CCDC138: variants seen among roughly 807,000 people sequenced by gnomAD.
The protein encoded by CCDC138 is coiled-coil domain containing 138.
Under a neutral mutation model 82.3 loss-of-function variants are expected in CCDC138, and 66 were observed. The observed-to-expected ratio is 0.80, with a 90% CI of 0.66 to 0.98. The LOEUF (loss-of-function observed/expected upper bound fraction) is 0.98, where lower values mean the gene tolerates loss of function less well. Ranked by LOEUF, CCDC138 falls within the 50% of genes least tolerant of loss-of-function variation. CCDC138 has a pLI of 0.00. For missense variants in CCDC138, 816 were observed against 758.9 expected, an observed-to-expected ratio of 1.08 and a Z score of -0.88; for synonymous variants, 297 against 265.4, an observed-to-expected ratio of 1.12 and a Z score of -1.16.
chr2:108,816,096 G>GT lies in CCDC138; in HGVS notation c.1198dup (p.Cys400LeufsTer55), dbSNP rs1168414574. On this transcript the variant is annotated frameshift_variant, in exon 10 of 15. Coordinates refer to ENST00000295124, the MANE Select transcript of CCDC138 (RefSeq NM_144978.3). LOFTEE classifies it high-confidence loss of function. ...CCCAGAGAAATGATATTCAGGAGAA[G>GT]TGTGTAAAGGTTTGTTTTTTAATTT... 3 of 1,600,024 alleles carry GT rather than the reference G, an allele frequency of 1.9e-6. No individual in the cohort carries two copies. The highest frequency in any genetic ancestry group is 2.6e-6 in the Non-Finnish European group (3 of 1,174,638).
In CCDC138 at chr2:108,789,029, A is replaced by G; in HGVS notation, c.266+63A>G. On this transcript the variant is annotated intron_variant, in intron 3 of 14. Coordinates refer to ENST00000295124, the MANE Select transcript of CCDC138 (RefSeq NM_144978.3). ...AGTATCTCAAAAAACTGAGAAAGAG[A>G]AAAGGGCAGGTTATATTTTTGCTCT... is the stretch of plus-strand genomic sequence containing the variant. 4 of 1,568,326 alleles carry G rather than the reference A, an allele frequency of 2.6e-6. No homozygotes were observed. In the East Asian group the frequency reaches 6.7e-5, roughly 26 times the overall value.
intron 10 of CCDC138, among the ~76,000 whole-genome samples, chr2:108,816,379 A>T (rs1684810878): frequency 1.3e-5 from 2 of 152,174 alleles, no homozygotes; most frequent in South Asian, 4.2e-4. Context: ...TGAATCTGGG[A>T]GGTGGAGGTT....
chr2:108,844,186 C>T (rs893747656), intron 11 of CCDC138, among the ~76,000 whole-genome samples: 4 of 151,996 alleles, frequency 2.6e-5, no homozygotes, highest in Non-Finnish European at 5.9e-5. Context: ...TCAGCCCTAC[C>T]TGATTTTTCC....
intron 6 of CCDC138, among the ~76,000 whole-genome samples, chr2:108,803,272 C>T (rs190575125): frequency 3.9e-5 from 6 of 152,270 alleles, no homozygotes; most frequent in Non-Finnish European, 2.9e-5. Flanking sequence ...TGTACAGGTT[C>T]GTAAACACCA....
intron 4 of CCDC138, among the ~76,000 whole-genome samples, chr2:108,792,807 G>T (rs1680117860): frequency 6.6e-6 from 1 of 152,212 alleles, no homozygotes; most frequent in African/African-American, 2.4e-5. Context: ...GCTCACGCCT[G>T]TAATCCCAGC....
chr2:108,795,669 C>T (rs1396062219), intron 5 of CCDC138, among the ~76,000 whole-genome samples: 1 of 152,048 alleles, frequency 6.6e-6, no homozygotes, highest in Non-Finnish European at 1.5e-5. Flanking sequence ...CTAAAATCAC[C>T]AGGAAAAGTT....
chr2:108,831,475 T>C (rs1687606937), intron 10 of CCDC138, among the ~76,000 whole-genome samples: 1 of 152,140 alleles, frequency 6.6e-6, no homozygotes, highest in Non-Finnish European at 1.5e-5. Flanking sequence ...AGGCTTGGTA[T>C]TTAGAGGGGA....
exon 3 of CCDC138, chr2:108,885,453 G>T (rs1696397053): frequency 6.6e-6 from 1 of 152,144 alleles, no homozygotes; most frequent in African/African-American, 2.4e-5. Flanking sequence ...TTAATGAAAA[G>T]TTATACAATA....
intron 13 of CCDC138, among the ~76,000 whole-genome samples, chr2:108,868,707 C>T (rs941187808): frequency 6.6e-6 from 1 of 152,078 alleles, no homozygotes; most frequent in African/African-American, 2.4e-5. Context: ...GCACTCATTC[C>T]CATACTGTCC....
chr2:108,808,407 G>A (rs983003458), intron 7 of CCDC138, among the ~76,000 whole-genome samples: 4 of 152,088 alleles, frequency 2.6e-5, no homozygotes, highest in African/African-American at 7.2e-5. Context: ...TATGGTAGTT[G>A]TGTTTTCGTT....
At chr2:108,853,929 A>AC (rs1692045481) in intron 12 of CCDC138, among the ~76,000 whole-genome samples, 1 of 125,084 alleles carries the variant, frequency 8.0e-6, no homozygotes, top group Non-Finnish European at 1.6e-5. Context: ...TATATTATAT[A>AC]TAATTTATAT....
chr2:108,853,682 A>G (rs1381220581), intron 12 of CCDC138, among the ~76,000 whole-genome samples: 1 of 149,800 alleles, frequency 6.7e-6, no homozygotes, highest in African/African-American at 2.5e-5. Flanking sequence ...ATGCACTACG[A>G]TGACCATCTA....
Position 108,786,871 on chromosome 2 carries a change from A to G in CCDC138, c.49A>G (p.Ser17Gly). 1 of 1,579,892 alleles carries G rather than the reference A, an allele frequency of 6.3e-7. No homozygotes were observed. The highest frequency in any genetic ancestry group is 2.4e-5 in the East Asian group (1 of 41,412). The change falls in exon 1 of 15, where the codon AGT (serine) becomes GGT (glycine). Residue 17 changes from serine (S) to glycine (G), a missense_variant. Physicochemically the swap from Ser to Gly is moderately conservative, Grantham distance 56. Coordinates refer to ENST00000295124, the MANE Select transcript of CCDC138 (RefSeq NM_144978.3). ...ACCGGGGCAGGATTTAGTAGTGGAG[A>G]GTCTCAAAAGCCGCTACGGACTCGG... ...KPPGQDLVVE[S>G]LKSRYGLGGS...
chr2:108,800,528 G>A (rs1681733376), intron 6 of CCDC138, among the ~76,000 whole-genome samples: 1 of 148,206 alleles, frequency 6.7e-6, no homozygotes, highest in Non-Finnish European at 1.5e-5. Flanking sequence ...CCCTCCCAAA[G>A]TGCTGGGATC....
intron 7 of CCDC138, among the ~76,000 whole-genome samples, chr2:108,806,417 T>C (rs1045623310): frequency 3.9e-5 from 6 of 152,230 alleles, no homozygotes; most frequent in African/African-American, 1.4e-4. Context: ...TTGGACCTAT[T>C]GATAATTGGA....
At position 108,804,925 on chromosome 2, in the gene CCDC138, C is replaced by T; in HGVS notation, c.772C>T (p.Leu258Phe). 2 of 1,565,086 alleles carry T rather than the reference C, an allele frequency of 1.3e-6. No homozygotes were observed. Among genetic ancestry groups the T allele is most frequent in the South Asian group, 2.4e-5 (2 of 81,822 alleles). ...AGAAGTTGAACACTTAACCGAAGTT[C>T]TTAAGGAAAAGAATAAAGAAACCAA... ...DAEVEHLTEV[L>F]KEKNKETKRL... The change falls in exon 7 of 15, where the codon CTT becomes TTT. Residue 258 changes from leucine to phenylalanine, a missense_variant. Transcript: ENST00000295124.
intron 13 of CCDC138, among the ~76,000 whole-genome samples, chr2:108,859,511 C>A (rs1176307559): frequency 2.0e-5 from 3 of 152,070 alleles, no homozygotes; most frequent in Non-Finnish European, 4.4e-5. Context: ...AGATTTTCTT[C>A]TAGGATTTTT....
chr2:108,883,884 GACTC>G (rs1217604240), intron 2 of CCDC138: 6 of 152,170 alleles, frequency 3.9e-5, no homozygotes, highest in African/African-American at 1.4e-4. Flanking sequence ...GAGCAGGACT[GACTC>G]ACTAGCATCA....
intron 13 of CCDC138, among the ~76,000 whole-genome samples, chr2:108,857,570 T>G (rs1443162823): frequency 6.6e-6 from 1 of 152,226 alleles, no homozygotes; most frequent in Non-Finnish European, 1.5e-5. Context: ...GTTTATTTTC[T>G]TCTCCTGTCC....
Sources: gnomAD v4.1 joint callset for allele counts (sites outside exome capture counted in the v4.1 genomes callset) on GRCh38, gnomAD v4.1.1 for gene constraint, MANE v1.5 for transcripts, NCBI Gene and HGNC (gene_info 2026-07-23, HGNC 2026-07-21) for gene names.